SLC8A1: variants seen among roughly 807,000 people sequenced by gnomAD.
SLC8A1 encodes sodium/calcium exchanger 1.
SLC8A1 carries 18 observed loss-of-function variants against 68.3 expected under a neutral mutation model. That is an observed-to-expected ratio of 0.26 (90% CI 0.18 to 0.39). The LOEUF is 0.39. Among genes scored for constraint, SLC8A1 ranks in the 10% least tolerant of loss-of-function variants. SLC8A1 has a pLI of 1.00. For missense variants in SLC8A1, 985 were observed against 1,156.7 expected (o/e 0.85, Z 2.15); for synonymous variants, 475 against 415.5 (o/e 1.14, Z -1.74).
intron 2 of SLC8A1, among the ~76,000 whole-genome samples, chr2:40,342,637 A>T (rs927880297): frequency 6.6e-6 from 1 of 152,146 alleles, no homozygotes; most frequent in Non-Finnish European, 1.5e-5. Flanking sequence ...TATGATGACA[A>T]GGAATTTAGG....
At chr2:40,417,687 C>T (rs1384330069) in intron 2 of SLC8A1, among the ~76,000 whole-genome samples, 1 of 152,078 alleles carries the variant, frequency 6.6e-6, no homozygotes, top group Non-Finnish European at 1.5e-5. Context: ...GATTTAAACC[C>T]AGGCTAGTAT....
At chr2:40,489,020 C>A (rs867658977) in intron 1 of SLC8A1, among the ~76,000 whole-genome samples, 1 of 152,062 alleles carries the variant, frequency 6.6e-6, no homozygotes, top group Non-Finnish European at 1.5e-5. Context: ...CATACTCTAA[C>A]GATAAGAACT....
rs1559657151 is a variant in SLC8A1, at chr2:40,430,286, T to A, written c.-6A>T. Reference sequence around the variant, plus strand: ...AATCGCCGCATGTTGTACATGACACTTCCAACTGTCACAACCTACTGGTAA... The same window carrying A: ...AATCGCCGCATGTTGTACATGACACATCCAACTGTCACAACCTACTGGTAA... On this transcript the variant is annotated 5_prime_UTR_variant, in exon 2 of 8. In the 5' UTR this introduces an upstream ATG that the reference lacks. Transcript: ENST00000406785. The A allele has an allele frequency of 6.3e-7, 1 of 1,599,210 alleles. No homozygotes were observed. The highest frequency in any genetic ancestry group is 1.3e-5 in the African/African-American group (1 of 74,380).
At chr2:40,138,139 C>G (rs2040873642) in intron 7 of SLC8A1, among the ~76,000 whole-genome samples, 1 of 151,796 alleles carries the variant, frequency 6.6e-6, no homozygotes, top group Non-Finnish European at 1.5e-5. Flanking sequence ...TATGATTATC[C>G]CTATTTTTTA....
At chr2:40,429,026 G>A (rs1404265689) in exon 2 of SLC8A1, 7 of 1,613,252 alleles carry the variant, frequency 4.3e-6, no homozygotes, top group East Asian at 2.2e-5. Context: ...CAGTTCTCCA[G>A]ACACTGATAT....
intron 2 of SLC8A1, among the ~76,000 whole-genome samples, chr2:40,412,813 T>C (rs187786221): frequency 4.2e-4 from 64 of 152,342 alleles, no homozygotes; most frequent in African/African-American, 1.5e-3. Flanking sequence ...ATGAAAACTA[T>C]TGATGGATAT....
exon 8 of SLC8A1, chr2:40,100,451 T>G (rs933171902): frequency 2.0e-5 from 3 of 152,046 alleles, no homozygotes; most frequent in Non-Finnish European, 2.9e-5. Context: ...GGCTCCTCAT[T>G]GTTTGAAATA....
intron 1 of SLC8A1, among the ~76,000 whole-genome samples, chr2:40,439,213 G>A (rs1309202642): frequency 6.6e-6 from 1 of 152,066 alleles, no homozygotes; most frequent in African/African-American, 2.4e-5. Context: ...GTTGCTGCAG[G>A]TGTTTTGTCT....
intron 2 of SLC8A1, among the ~76,000 whole-genome samples, chr2:40,383,595 CAG>C (rs1486964534): frequency 2.0e-5 from 3 of 151,956 alleles, no homozygotes; most frequent in African/African-American, 7.3e-5. Flanking sequence ...TAGGTACTAA[CAG>C]AGAAAAAAAT....
In SLC8A1 at chr2:40,412,025, C is replaced by T. The variant is rs186758861; in HGVS notation, c.1808+16448G>A. On this transcript the variant is annotated intron_variant, in intron 2 of 7. Coordinates refer to ENST00000406785, the Ensembl canonical transcript of SLC8A1. ...TAGAAAAATTTACTTTGTTTTTATACGTGGAAACAGGCAGAGAGATATTAA... is the reference window on the plus strand; with the variant it reads ...TAGAAAAATTTACTTTGTTTTTATATGTGGAAACAGGCAGAGAGATATTAA... 7.9e-5 allele frequency among the ~76,000 whole-genome samples: 12 copies of T among 152,146 alleles called. No individual in the cohort carries two copies. The East Asian group carries it at 1.7e-3, about 22-fold the overall frequency.
At chr2:40,164,465 C>T (rs559528263) in intron 5 of SLC8A1, among the ~76,000 whole-genome samples, 1 of 152,302 alleles carries the variant, frequency 6.6e-6, no homozygotes, top group African/African-American at 2.4e-5. Context: ...TAATTTTCAG[C>T]AGTGTGAATG....
intron 6 of SLC8A1, among the ~76,000 whole-genome samples, chr2:40,155,122 AATT>A (rs71404279): frequency 1.5e-4 from 23 of 151,480 alleles, no homozygotes; most frequent in African/African-American, 4.8e-4. Context: ...GACACAGCAG[AATT>A]ATTATTATTA....
intron 2 of SLC8A1, among the ~76,000 whole-genome samples, chr2:40,353,409 C>A (rs1474652225): frequency 6.6e-6 from 1 of 152,116 alleles, no homozygotes; most frequent in Non-Finnish European, 1.5e-5. Context: ...CTCCTGTTCT[C>A]CGCAGGCTCT....
intron 1 of SLC8A1, among the ~76,000 whole-genome samples, chr2:40,461,510 G>T (rs1489603339): frequency 6.6e-6 from 1 of 152,046 alleles, no homozygotes; most frequent in Non-Finnish European, 1.5e-5. Flanking sequence ...TAAGGAGGAG[G>T]TGAAAAAACC....
intron 2 of SLC8A1, among the ~76,000 whole-genome samples, chr2:40,380,036 T>G (rs1205792696): frequency 2.0e-5 from 3 of 152,170 alleles, no homozygotes; most frequent in African/African-American, 7.2e-5. Flanking sequence ...TTTCTGACAT[T>G]ATATCATAAT....
intron 1 of SLC8A1, among the ~76,000 whole-genome samples, chr2:40,509,079 A>G (rs983878406): frequency 5.3e-5 from 8 of 152,174 alleles, no homozygotes; most frequent in African/African-American, 1.9e-4. Flanking sequence ...CCCTTGTATT[A>G]CTTCACAGAC....
chr2:40,382,796 T>A (rs896970858), intron 2 of SLC8A1, among the ~76,000 whole-genome samples: 2 of 152,138 alleles, frequency 1.3e-5, no homozygotes, highest in African/African-American at 4.8e-5. Context: ...TACATTTATA[T>A]GTTTTAGTTA....
At position 40,198,707 on chromosome 2, in the gene SLC8A1, G is replaced by A. The variant is rs142332906; in HGVS notation, c.1809-20852C>T. Reference sequence around the variant, plus strand: ...TGTTTGGAATGCATGGTTTGAGCATGCTCATGAGAACACTGGCATGATACT... The same window carrying A: ...TGTTTGGAATGCATGGTTTGAGCATACTCATGAGAACACTGGCATGATACT... On this transcript the variant is annotated intron_variant, in intron 2 of 7. Coordinates refer to ENST00000406785, the Ensembl canonical transcript of SLC8A1. Among the ~76,000 whole-genome samples the A allele has an allele frequency of 2.3e-3, 357 of 151,952 alleles. 4 individuals are homozygous for A. Among genetic ancestry groups the A allele is most frequent in the African/African-American group, 8.2e-3 (339 of 41,490 alleles).
At chr2:40,201,833 T>TA (rs1358412981) in intron 2 of SLC8A1, among the ~76,000 whole-genome samples, 1 of 151,908 alleles carries the variant, frequency 6.6e-6, no homozygotes, top group Non-Finnish European at 1.5e-5. Flanking sequence ...GCAGCAATGA[T>TA]AAGGGGGTCA....
Sources: allele counts gnomAD v4.1 joint callset (sites outside exome capture counted in the v4.1 genomes callset), GRCh38; gene constraint gnomAD v4.1.1; transcripts MANE v1.5; gene names NCBI Gene and HGNC (gene_info 2026-07-23, HGNC 2026-07-21).